EDARADD: variants seen among roughly 807,000 people sequenced by gnomAD.
EDARADD encodes ectodysplasin-A receptor-associated adapter protein.
Under a neutral mutation model 25.6 loss-of-function variants are expected in EDARADD, and 20 were observed. The ratio of observed to expected loss-of-function variants is 0.78; its 90% CI spans 0.55 to 1.14. The LOEUF (loss-of-function observed/expected upper bound fraction) is 1.14. Ranked by LOEUF, EDARADD falls within the 50% of genes most tolerant of loss-of-function variation. The probability of loss-of-function intolerance (pLI) is 0.00; values close to 1 mark genes in which losing one functional copy is unlikely to be tolerated. For synonymous variants in EDARADD, 86 were observed against 94.4 expected (o/e 0.91, Z 0.52); for missense variants, 225 against 270.1 (o/e 0.83, Z 1.17).
At chr1:236,481,778 CA>C (rs36104533) in intron 5 of EDARADD, among the ~76,000 whole-genome samples, 22,621 of 93,186 alleles carry the variant, frequency 0.24, 2,146 homozygotes, top group Non-Finnish European at 0.29. Flanking sequence ...CACCCTGTAT[CA>C]AAAAAAAAAA....
chr1:236,361,650 T>TATATATATATATATATATATATATATAG (rs1553262114), intron 3 of EDARADD, among the ~76,000 whole-genome samples: 1 of 149,068 alleles, frequency 6.7e-6, no homozygotes, highest in Non-Finnish European at 1.5e-5. Context: ...TATATATATA[T>TATATATATATATATATATATATATATAG]TCCTTCATAC....
chr1:236,414,360 C>T, intron 3 of EDARADD, 61 bp downstream of exon 3: 1 of 1,332,100 alleles, frequency 7.5e-7, no homozygotes, highest in South Asian at 1.2e-5. Context: ...GAACAAAGCA[C>T]TAGTCGACCT....
At chr1:236,378,109 C>T (rs1048749227) in intron 3 of EDARADD, among the ~76,000 whole-genome samples, 6 of 152,152 alleles carry the variant, frequency 3.9e-5, no homozygotes, top group African/African-American at 1.2e-4. Flanking sequence ...CCCACCCACC[C>T]CCCTTTAGGT....
intron 3 of EDARADD, among the ~76,000 whole-genome samples, chr1:236,374,246 T>TTCCC (rs996313977): frequency 1.3e-4 from 19 of 149,962 alleles, no homozygotes; most frequent in African/African-American, 2.2e-4. Flanking sequence ...GCTAGGTCTG[T>TTCCC]TCCCTCCCTC....
chr1:236,459,769 C>T (rs926228446), intron 4 of EDARADD, among the ~76,000 whole-genome samples: 2 of 151,980 alleles, frequency 1.3e-5, no homozygotes, highest in African/African-American at 4.8e-5. Context: ...CCCACCGCCA[C>T]ACCCAGCCAA....
At position 236,349,163 on chromosome 1, in the gene EDARADD, G is replaced by A. The variant is rs141498456; in HGVS notation, c.-142+197G>A. Among the ~76,000 whole-genome samples the A allele has an allele frequency of 2.3e-3, 335 of 142,800 alleles. 2 individuals carry two copies. The highest frequency in any genetic ancestry group is 0.021 in the South Asian group (88 of 4,226). The allele number at this position is 142,800 out of a possible 152,430, so 93.7% of individuals were successfully genotyped here. A position where few individuals can be genotyped will look rare whatever the true frequency, so the allele number is the denominator to read the frequency against. ...CCCAAGGAGCTGGGACTACAGGCAGGCACCATGGTGTACTCAAAATTTTTT... is the reference window on the plus strand; with the variant it reads ...CCCAAGGAGCTGGGACTACAGGCAGACACCATGGTGTACTCAAAATTTTTT... On this transcript the variant is annotated intron_variant, in intron 2 of 7. Transcript: ENST00000439430.
rs1159818417 is a variant in EDARADD, at chr1:236,395,723, G to A, written c.61+1218G>A. On this transcript the variant is annotated intron_variant, in intron 1 of 5. Transcript: ENST00000334232. The surrounding 1 kb of genome is among the most constrained non-coding windows in gnomAD (Gnocchi z 6.9). ...GCACCGCGGGGCGGGAGCTCGGGAG[G>A]CGCTCGCAGCAGCCGCAGGGCTATC... 8.3e-5 allele frequency: 127 copies of A among 1,522,348 alleles called. No homozygotes were observed. Among genetic ancestry groups the A allele is most frequent in the African/African-American group, 9.9e-5 (7 of 70,442 alleles). The allele number at this position is 1,522,348 out of a possible 1,614,324, so 94.3% of individuals were successfully genotyped here.
chr1:236,359,007 AG>A (rs1489943573), intron 3 of EDARADD, among the ~76,000 whole-genome samples: 1 of 152,210 alleles, frequency 6.6e-6, no homozygotes, highest in Non-Finnish European at 1.5e-5. Flanking sequence ...TGGGAGTCTA[AG>A]TCTCTTTGTA....
chr1:236,439,595 A>G lies in EDARADD; in HGVS notation c.219+12145A>G, dbSNP rs187891616. ...TGTTGTTTTAATTTGTATTTCTTTG[A>G]TGATATACGATGTAGAGCATCATTT... On this transcript the variant is annotated intron_variant, in intron 4 of 5. Coordinates refer to ENST00000334232, the MANE Select transcript of EDARADD (RefSeq NM_145861.4). 4.6e-5 allele frequency among the ~76,000 whole-genome samples: 7 copies of G among 152,258 alleles called. No individual in the cohort carries two copies. The East Asian group carries it at 1.4e-3, about 29-fold the overall frequency.
At position 236,397,845 on chromosome 1, in the gene EDARADD, A is replaced by G. The variant is rs185425435; in HGVS notation, c.61+3340A>G. ...CGCTCCTCCATTTAAACACAGGCGC[A>G]CACACACACCCCAATTTCCCCTTCC... is the stretch of plus-strand genomic sequence containing the variant. On this transcript the variant is annotated intron_variant, in intron 1 of 5. Transcript: ENST00000334232. Among the ~76,000 whole-genome samples, 543 of 152,212 alleles carry G rather than the reference A, an allele frequency of 3.6e-3. 3 individuals are homozygous for G. Among genetic ancestry groups the G allele is most frequent in the African/African-American group, 0.012 (517 of 41,522 alleles).
Position 236,374,406 on chromosome 1 carries a change from T to C in EDARADD, c.-6+23567T>C, listed in dbSNP as rs1667202353. 2.6e-5 allele frequency among the ~76,000 whole-genome samples: 4 copies of C among 151,986 alleles called. No homozygotes were observed. The South Asian group carries it at 8.3e-4, about 32-fold the overall frequency. On this transcript the variant is annotated intron_variant, in intron 3 of 7. Coordinates refer to the EDARADD transcript ENST00000439430. Reference sequence around the variant, plus strand: ...TTCCCCACCTCAGCCTCCCAAGTAATTACAGGTATGCATCACCATGCCTGG... The same window carrying C: ...TTCCCCACCTCAGCCTCCCAAGTAACTACAGGTATGCATCACCATGCCTGG...
chr1:236,465,562 A>G (rs73127315), intron 4 of EDARADD, among the ~76,000 whole-genome samples: 16,183 of 151,950 alleles, frequency 0.11, 2,866 homozygotes, highest in African/African-American at 0.37. Context: ...ATAAGAAGAC[A>G]CCTGTCCTCT....
At chr1:236,453,274 T>C (rs1010642353) in intron 4 of EDARADD, among the ~76,000 whole-genome samples, 5 of 145,970 alleles carry the variant, frequency 3.4e-5, no homozygotes, top group African/African-American at 1.3e-4. Flanking sequence ...GAGATTCTTT[T>C]TTTCTTTTTT....
At chr1:236,360,542 T>G (rs929480282) in intron 3 of EDARADD, among the ~76,000 whole-genome samples, 1 of 79,348 alleles carries the variant, frequency 1.3e-5, no homozygotes, top group East Asian at 5.4e-4. Flanking sequence ...TCACGGTTTT[T>G]TTTTTTTTTT....
chr1:236,395,563 C>G lies in EDARADD; in HGVS notation c.61+1058C>G. On this transcript the variant is annotated intron_variant, in intron 1 of 5. Coordinates refer to ENST00000334232, the MANE Select transcript of EDARADD (RefSeq NM_145861.4). This position sits in a 1 kb window ranked among gnomAD's most constrained non-coding sequence, Gnocchi z 6.9. ...AGGACTTTTCATCCCCGTGGTCCCA[C>G]GGTCCTCCCGCGCCCCGGAGGCCTG... 2 of 1,542,456 alleles carry G rather than the reference C, an allele frequency of 1.3e-6. No individual in the cohort carries two copies. Among genetic ancestry groups the G allele is most frequent in the Non-Finnish European group, 8.7e-7 (1 of 1,146,814 alleles).
At chr1:236,451,872 T>C (rs1658722377) in intron 4 of EDARADD, among the ~76,000 whole-genome samples, 1 of 152,186 alleles carries the variant, frequency 6.6e-6, no homozygotes, top group Non-Finnish European at 1.5e-5. Context: ...CACTTCCAGC[T>C]GAATTTTTAC....
intron 1 of EDARADD, among the ~76,000 whole-genome samples, chr1:236,397,053 C>T (rs1314273839): frequency 6.6e-6 from 1 of 152,020 alleles, no homozygotes; most frequent in African/African-American, 2.4e-5. Context: ...TTGGGCTCCC[C>T]TAAATCGACA....
At position 236,483,899 on chromosome 1, in the gene EDARADD, C is replaced by T. The variant is rs1018635371; in HGVS notation, c.*1250C>T. The T allele has an allele frequency of 5.4e-5, 74 of 1,372,240 alleles. No individual in the cohort carries two copies. The African/African-American group carries it at 6.6e-4, about 12-fold the overall frequency. 85.0% of individuals were successfully genotyped at this position (1,372,240 alleles called of 1,614,324 possible). A position where few individuals can be genotyped will look rare whatever the true frequency, so the allele number is the denominator to read the frequency against. On this transcript the variant is annotated 3_prime_UTR_variant, in exon 6 of 6. Coordinates refer to ENST00000334232, the MANE Select transcript of EDARADD (RefSeq NM_145861.4). Reference sequence around the variant, plus strand: ...CTGATAAGGTGATCGTCAGCATGGACGTAGAGGCCTCCGAGTTCTTCAGGT... The same window carrying T: ...CTGATAAGGTGATCGTCAGCATGGATGTAGAGGCCTCCGAGTTCTTCAGGT...
intron 3 of EDARADD, among the ~76,000 whole-genome samples, chr1:236,362,998 AAAAAAAAAATATAT>A (rs1667068758): frequency 3.4e-5 from 2 of 58,130 alleles, no homozygotes; most frequent in South Asian, 1.3e-3. Context: ...AAAAAAAAAA[AAAAAAAAAATATAT>A]ATATATATAT....
Sources: gnomAD v4.1 joint callset for allele counts (sites outside exome capture counted in the v4.1 genomes callset) on GRCh38, gnomAD v4.1.1 for gene constraint, Gnocchi (gnomAD v3.1) non-coding constraint, MANE v1.5 for transcripts, NCBI Gene and HGNC (gene_info 2026-07-23, HGNC 2026-07-21) for gene names.